Variants in FAM171B observed in about 807,000 individuals in gnomAD.
FAM171B encodes family with sequence similarity 171 member B, also known as protein FAM171B.
In FAM171B, 19 loss-of-function variants were observed where a neutral mutation model predicts 75.6. The observed-to-expected ratio is 0.25, with a 90% CI of 0.18 to 0.37. The LOEUF (loss-of-function observed/expected upper bound fraction) is 0.37. Ranked by LOEUF, FAM171B falls within the 10% of genes least tolerant of loss-of-function variation. The pLI is 1.00. For synonymous variants in FAM171B, 367 were observed against 361.7 expected, an observed-to-expected ratio of 1.01 and a Z score of -0.17; for missense variants, 848 against 982.4, an observed-to-expected ratio of 0.86 and a Z score of 1.83.
chr2:186,757,925 TC>T (rs1690556472), intron 6 of FAM171B, among the ~76,000 whole-genome samples: 2 of 152,306 alleles, frequency 1.3e-5, no homozygotes, highest in Admixed American at 1.3e-4. Flanking sequence ...ATCAAACCAA[TC>T]CTCCATACAG....
At chr2:186,704,725 A>C (rs1211105084) in intron 1 of FAM171B, among the ~76,000 whole-genome samples, 1 of 152,212 alleles carries the variant, frequency 6.6e-6, no homozygotes, top group Non-Finnish European at 1.5e-5. Context: ...AGTCAAAAGA[A>C]TGTGTATTTT....
intron 1 of FAM171B, among the ~76,000 whole-genome samples, chr2:186,710,602 A>T (rs1689797719): frequency 6.6e-6 from 1 of 152,040 alleles, no homozygotes; most frequent in Admixed American, 6.6e-5. Flanking sequence ...GTCTGTTTGG[A>T]TGATTACACT....
intron 1 of FAM171B, among the ~76,000 whole-genome samples, chr2:186,736,575 A>AGT (rs1690204974): frequency 8.9e-6 from 1 of 112,826 alleles, no homozygotes. Context: ...TGGGAGAGAG[A>AGT]GAGAGAGAGA....
At chr2:186,728,574 A>G (rs1287483714) in intron 1 of FAM171B, among the ~76,000 whole-genome samples, 1 of 152,236 alleles carries the variant, frequency 6.6e-6, no homozygotes, top group African/African-American at 2.4e-5. Flanking sequence ...CTCAGGATAC[A>G]TAAAACTCAA....
chr2:186,755,993 A>C (rs1690526141), intron 6 of FAM171B, among the ~76,000 whole-genome samples: 1 of 152,224 alleles, frequency 6.6e-6, no homozygotes, highest in Non-Finnish European at 1.5e-5. Context: ...AACAATATTT[A>C]ATTTCATACA....
chr2:186,724,597 G>T (rs1339319875), intron 1 of FAM171B, among the ~76,000 whole-genome samples: 1 of 152,194 alleles, frequency 6.6e-6, no homozygotes, highest in Non-Finnish European at 1.5e-5. Flanking sequence ...GCTTAAGGTG[G>T]TCTTGGGACC....
At chr2:186,711,787 T>C (rs1689812591) in intron 1 of FAM171B, among the ~76,000 whole-genome samples, 1 of 152,204 alleles carries the variant, frequency 6.6e-6, no homozygotes, top group African/African-American at 2.4e-5. Context: ...TTTTTTCTCA[T>C]TGACACTGCC....
chr2:186,699,942 G>C, intron 1 of FAM171B, among the ~76,000 whole-genome samples: 1 of 152,084 alleles, frequency 6.6e-6, no homozygotes, highest in East Asian at 1.9e-4. Flanking sequence ...TAGATGAATA[G>C]ATTTATTTTT....
rs185785986 is a variant in FAM171B at position 186,742,781 on chromosome 2, G to T, written c.473-702G>T. Among the ~76,000 whole-genome samples the T allele has an allele frequency of 4.8e-4, 73 of 152,270 alleles. 2 individuals carry two copies. In the East Asian group the frequency reaches 8.3e-3, roughly 17 times the overall value. ...TTTCTTTTGAAGGATTGATAAGTTT[G>T]ATTTGATCTTGCTTATAAAATGGTC... On this transcript the variant is annotated intron_variant, in intron 2 of 7. Coordinates refer to ENST00000304698, the MANE Select transcript of FAM171B (RefSeq NM_177454.4).
chr2:186,716,186 A>G (rs993121585), intron 1 of FAM171B, among the ~76,000 whole-genome samples: 9 of 151,980 alleles, frequency 5.9e-5, no homozygotes, highest in Non-Finnish European at 8.8e-5. Context: ...CTGATTTTTA[A>G]ATTGTTTTGT....
At chr2:186,694,545 C>A (rs1275920111) in intron 1 of FAM171B, 134 bp downstream of exon 1, 1 of 1,259,790 alleles carries the variant, frequency 7.9e-7, no homozygotes, top group Non-Finnish European at 1.1e-6. Context: ...GATCTCTCTC[C>A]CCAGACTGGC....
At chr2:186,715,758 A>T (rs1689866381) in intron 1 of FAM171B, among the ~76,000 whole-genome samples, 1 of 152,130 alleles carries the variant, frequency 6.6e-6, no homozygotes, top group Non-Finnish European at 1.5e-5. Context: ...TTTCTTTGCT[A>T]TTTGTCTCTA....
intron 1 of FAM171B, among the ~76,000 whole-genome samples, chr2:186,734,413 C>T (rs915458074): frequency 3.3e-5 from 5 of 151,840 alleles, no homozygotes; most frequent in East Asian, 1.9e-4. Flanking sequence ...GCTGGTAGGT[C>T]GTCTCAAAGA....
At chr2:186,743,352 T>A in intron 2 of FAM171B, 131 bp from the exon 3 acceptor site, 1 of 604,828 alleles carries the variant, frequency 1.7e-6, no homozygotes, top group Middle Eastern at 2.6e-4. Context: ...TGTTTTGAAT[T>A]GCTCTTCCCA....
At chr2:186,723,476 G>GTATT (rs1364357920) in intron 1 of FAM171B, among the ~76,000 whole-genome samples, 21 of 151,892 alleles carry the variant, frequency 1.4e-4, no homozygotes, top group African/African-American at 4.8e-4. Context: ...ATTTTCAACT[G>GTATT]TATTATTTAT....
At chr2:186,761,338 A>T in intron 7 of FAM171B, 102 bp downstream of exon 7, 2 of 1,452,906 alleles carry the variant, frequency 1.4e-6, no homozygotes, top group East Asian at 2.5e-5. Flanking sequence ...ATTTAATCTT[A>T]TAATATATCC....
intron 1 of FAM171B, among the ~76,000 whole-genome samples, chr2:186,709,924 A>G (rs988319267): frequency 1.4e-4 from 21 of 152,202 alleles, no homozygotes; most frequent in Non-Finnish European, 7.3e-5. Flanking sequence ...GAAAACTAAT[A>G]AATATCAAGA....
rs1689542538 is a variant in FAM171B at position 186,694,316 on chromosome 2, AGCAG to A, written c.144_147del (p.Gln48HisfsTer28). 2.5e-6 allele frequency: 4 copies of A among 1,597,802 alleles called. No individual in the cohort carries two copies. The highest frequency in any genetic ancestry group is 8.5e-7 in the Non-Finnish European group (1 of 1,175,478). ...AGCCTCATCCAACAGCAGCAGCAGC[AGCAG>A]CAACAACAACAACAACAGCAAAAGC... On this transcript the variant is annotated frameshift_variant, in exon 1 of 8. Coordinates refer to ENST00000304698, the MANE Select transcript of FAM171B (RefSeq NM_177454.4). LOFTEE classifies it high-confidence loss of function.
rs549204591 is a variant in FAM171B, at chr2:186,706,427, C to T, written c.238+12016C>T. Among the ~76,000 whole-genome samples, 7 of 152,252 alleles carry T rather than the reference C, an allele frequency of 4.6e-5. No individual in the cohort carries two copies. In the South Asian group the frequency reaches 1.5e-3, roughly 32 times the overall value. On this transcript the variant is annotated intron_variant, in intron 1 of 7. Transcript: ENST00000304698. ...ATGATATCATTAATAACTGATTACA[C>T]TGGAAATGCAAGAGACTATGAAGAG...
Sources: gnomAD v4.1 joint callset for allele counts (sites outside exome capture counted in the v4.1 genomes callset) on GRCh38, gnomAD v4.1.1 for gene constraint, MANE v1.5 for transcripts, NCBI Gene and HGNC (gene_info 2026-07-23, HGNC 2026-07-21) for gene names.